Variants in MAP2 observed in about 807,000 individuals in gnomAD.
The protein encoded by MAP2 is microtubule-associated protein 2.
In MAP2, 14 loss-of-function variants were observed where a neutral mutation model predicts 137.6. That is an observed-to-expected ratio of 0.10 (90% CI 0.07 to 0.16). The LOEUF (loss-of-function observed/expected upper bound fraction) is 0.16. MAP2 is among the 10% of genes least tolerant of loss of function. The pLI is 1.00. For synonymous variants in MAP2, 786 were observed against 782.3 expected (o/e 1.00, Z -0.08); for missense variants, 2,088 against 2,191.5 (o/e 0.95, Z 0.94).
At chr2:209,626,442 C>T (rs2092335745) in intron 4 of MAP2, among the ~76,000 whole-genome samples, 1 of 152,076 alleles carries the variant, frequency 6.6e-6, no homozygotes, top group African/African-American at 2.4e-5. Flanking sequence ...CAGCAAATAC[C>T]TAAGCATCCA....
intron 6 of MAP2, 86 bp downstream of exon 6, chr2:209,678,771 T>G: frequency 3.2e-6 from 2 of 634,444 alleles, no homozygotes; most frequent in Non-Finnish European, 5.2e-6. Flanking sequence ...AGATAGGCCA[T>G]ATCTTGTACT....
chr2:209,631,036 G>T (rs2663660), intron 4 of MAP2, among the ~76,000 whole-genome samples: 4 of 24,646 alleles, frequency 1.6e-4, no homozygotes, highest in Non-Finnish European at 2.8e-4. Flanking sequence ...AAAAAAAAAA[G>T]AGAGAGAGAG....
At chr2:209,631,032 A>G (rs1021815182) in intron 4 of MAP2, among the ~76,000 whole-genome samples, 2 of 91,544 alleles carry the variant, frequency 2.2e-5, no homozygotes, top group African/African-American at 9.8e-5. Context: ...AAAAAAAAAA[A>G]AAAGAGAGAG....
At chr2:209,598,613 A>C (rs1232611821) in intron 3 of MAP2, among the ~76,000 whole-genome samples, 3 of 119,580 alleles carry the variant, frequency 2.5e-5, no homozygotes, top group East Asian at 5.6e-4. Context: ...CCACCCCACA[A>C]CAGTCCCCAG....
chr2:209,692,755 T>C lies in MAP2; in HGVS notation c.585T>C (p.Ala195=). 2 of 1,614,102 alleles carry C rather than the reference T, an allele frequency of 1.2e-6. No homozygotes were observed. Among genetic ancestry groups the C allele is most frequent in the Non-Finnish European group, 1.7e-6 (2 of 1,179,980 alleles). The change falls in exon 8 of 16, where the codon GCT becomes GCC. Residue 195 remains alanine (A), a synonymous_variant. Coordinates refer to ENST00000682079, the MANE Select transcript of MAP2 (RefSeq NM_001375505.1). ...AGCCTGGTGAAGACCTTAAACATGC[T>C]GCCTTAGTTTCTCAGCCAGAGACAA... ...QSKPGEDLKH[A]ALVSQPETTK... is the part of the protein sequence containing the mutation.
chr2:209,516,645 G>A lies in MAP2; in HGVS notation c.-172+9004G>A, dbSNP rs1445714079. 9.2e-5 allele frequency among the ~76,000 whole-genome samples: 14 copies of A among 152,082 alleles called. No individual in the cohort carries two copies. The East Asian group carries it at 2.1e-3, about 23-fold the overall frequency. On this transcript the variant is annotated intron_variant, in intron 2 of 15. Coordinates refer to ENST00000682079, the MANE Select transcript of MAP2 (RefSeq NM_001375505.1). ...GTAAAAATGAGTCAGTGAGCAGGACGTTTAACTTGACAGGCAACTTTATAG... is the reference window on the plus strand; with the variant it reads ...GTAAAAATGAGTCAGTGAGCAGGACATTTAACTTGACAGGCAACTTTATAG...
intron 2 of MAP2, among the ~76,000 whole-genome samples, chr2:209,577,593 A>G (rs552901670): frequency 6.6e-6 from 1 of 152,266 alleles, no homozygotes; most frequent in South Asian, 2.1e-4. Context: ...GGAATGAATT[A>G]TTATCATTAT....
At chr2:209,577,065 ATAAGTCT>A (rs2075479155) in intron 2 of MAP2, among the ~76,000 whole-genome samples, 1 of 152,208 alleles carries the variant, frequency 6.6e-6, no homozygotes, top group Admixed American at 6.5e-5. Context: ...GTTCCCAGAC[ATAAGTCT>A]TAGGCATCAT....
chr2:209,671,093 T>G lies in MAP2; in HGVS notation c.263-7479T>G, dbSNP rs111977567. On this transcript the variant is annotated intron_variant, in intron 5 of 15. Coordinates refer to ENST00000682079, the MANE Select transcript of MAP2 (RefSeq NM_001375505.1). ...ATGCATTTTTCCCCATAAACCAAAT[T>G]GATCCTTGTTTTAATCGCTAAATCT... Among the ~76,000 whole-genome samples, 693 of 151,940 alleles carry G rather than the reference T, an allele frequency of 4.6e-3. 7 individuals are homozygous for G. The highest frequency in any genetic ancestry group is 0.016 in the African/African-American group (664 of 41,508).
intron 11 of MAP2, among the ~76,000 whole-genome samples, chr2:209,700,673 G>A (rs1018295903): frequency 6.6e-6 from 1 of 152,072 alleles, no homozygotes; most frequent in Admixed American, 6.6e-5. Flanking sequence ...AACAGTAACT[G>A]TATTTTATAA....
At chr2:209,622,838 TAAAC>T (rs912422946) in intron 3 of MAP2, among the ~76,000 whole-genome samples, 5 of 152,112 alleles carry the variant, frequency 3.3e-5, no homozygotes, top group African/African-American at 1.2e-4. Flanking sequence ...TTTTTTATAA[TAAAC>T]AAAACCTCAT....
intron 2 of MAP2, among the ~76,000 whole-genome samples, chr2:209,509,964 G>C (rs1485293541): frequency 6.7e-6 from 1 of 150,284 alleles, no homozygotes; most frequent in Non-Finnish European, 1.5e-5. Context: ...TAGCATCTTA[G>C]ATTTTATGAA....
intron 1 of MAP2, among the ~76,000 whole-genome samples, chr2:209,483,881 G>GCCCTAATCCAATC (rs1253832435): frequency 1.6e-4 from 24 of 152,108 alleles, no homozygotes; most frequent in Admixed American, 1.1e-3. Flanking sequence ...GGAAAGGTGG[G>GCCCTAATCCAATC]TGACAGCTGG....
At chr2:209,664,721 GC>G (rs2045443803) in intron 5 of MAP2, among the ~76,000 whole-genome samples, 1 of 151,990 alleles carries the variant, frequency 6.6e-6, no homozygotes, top group African/African-American at 2.4e-5. Context: ...ACTTTGGAAG[GC>G]CAAGGCAGGC....
Position 209,734,064 on chromosome 2 carries a change from T to C in MAP2, c.*3667T>C, listed in dbSNP as rs1447121418. ...TTTCAATCAAATTTGCAAATGTATT[T>C]GTTGCTGTATAGTGATTGTTTTGCA... On this transcript the variant is annotated 3_prime_UTR_variant, in exon 16 of 16. Transcript: ENST00000682079. 1 of 152,568 alleles carries C rather than the reference T, an allele frequency of 6.6e-6. No homozygotes were observed. The highest frequency in any genetic ancestry group is 1.5e-5 in the Non-Finnish European group (1 of 68,034). 9.5% of individuals were successfully genotyped at this position (152,568 alleles called of 1,614,324 possible).
chr2:209,599,202 T>A (rs1375752720), intron 3 of MAP2, among the ~76,000 whole-genome samples: 1 of 152,062 alleles, frequency 6.6e-6, no homozygotes, highest in Non-Finnish European at 1.5e-5. Context: ...TGGCCAGTGA[T>A]GGTGAGCATT....
intron 1 of MAP2, among the ~76,000 whole-genome samples, chr2:209,431,835 G>A (rs910423106): frequency 3.3e-5 from 5 of 152,158 alleles, no homozygotes; most frequent in Non-Finnish European, 5.9e-5. Context: ...ATAAAAGAGG[G>A]AGGGGCTCGG....
intron 2 of MAP2, among the ~76,000 whole-genome samples, chr2:209,555,078 T>C (rs923249825): frequency 6.6e-6 from 1 of 151,822 alleles, no homozygotes; most frequent in Non-Finnish European, 1.5e-5. Flanking sequence ...GGCTTCCAAC[T>C]TCATGTCTGG....
intron 11 of MAP2, among the ~76,000 whole-genome samples, chr2:209,702,685 T>C (rs1185777334): frequency 6.6e-6 from 1 of 152,050 alleles, no homozygotes; most frequent in African/African-American, 2.4e-5. Flanking sequence ...CAATCCAATT[T>C]ATTTTTCTCT....
Sources: gnomAD v4.1 joint callset for allele counts (sites outside exome capture counted in the v4.1 genomes callset) on GRCh38, gnomAD v4.1.1 for gene constraint, MANE v1.5 for transcripts, NCBI Gene and HGNC (gene_info 2026-07-23, HGNC 2026-07-21) for gene names.